The following SPAG16 variants were observed in gnomAD, a reference collection of about 807,000 sequenced individuals.
SPAG16 encodes sperm associated antigen 16, also known as sperm-associated antigen 16 protein.
SPAG16 carries 86 observed loss-of-function variants against 80.4 expected under a neutral mutation model. That is an observed-to-expected ratio of 1.07 (90% CI 0.90 to 1.28). The LOEUF (loss-of-function observed/expected upper bound fraction) is 1.28. SPAG16 is among the 50% of genes most tolerant of loss of function. The pLI is 0.00. For missense variants in SPAG16, 870 were observed against 765.3 expected (o/e 1.14, Z -1.61); for synonymous variants, 294 against 265.9 (o/e 1.11, Z -1.03).
At chr2:213,833,429 GTA>G in intron 10 of SPAG16, among the ~76,000 whole-genome samples, 1 of 28,650 alleles carries the variant, frequency 3.5e-5, no homozygotes, top group African/African-American at 1.1e-4. Context: ...ATGTATCTAT[GTA>G]TGTGTGTGTG....
chr2:213,381,111 C>T (rs2125240577), intron 9 of SPAG16, among the ~76,000 whole-genome samples: 1 of 152,318 alleles, frequency 6.6e-6, no homozygotes, highest in East Asian at 1.9e-4. Context: ...TACCACAACA[C>T]TGTTGATCAG....
chr2:213,621,739 G>T (rs1460360934), intron 10 of SPAG16, among the ~76,000 whole-genome samples: 1 of 152,164 alleles, frequency 6.6e-6, no homozygotes, highest in East Asian at 1.9e-4. Flanking sequence ...CTGTTTAAAA[G>T]AAGTTTTTGA....
At chr2:214,257,498 T>C (rs1186944643) in intron 15 of SPAG16, among the ~76,000 whole-genome samples, 1 of 152,064 alleles carries the variant, frequency 6.6e-6, no homozygotes, top group African/African-American at 2.4e-5. Flanking sequence ...AATATGATGG[T>C]AATTGTAGTT....
At chr2:214,388,309 C>G in intron 15 of SPAG16, among the ~76,000 whole-genome samples, 1 of 152,096 alleles carries the variant, frequency 6.6e-6, no homozygotes, top group East Asian at 1.9e-4. Context: ...TTGCTAGGTC[C>G]TCTCCCTCCT....
chr2:214,012,284 A>ATTTTTTTTTTTTTT (rs1483720818), intron 12 of SPAG16, among the ~76,000 whole-genome samples: 2 of 54,594 alleles, frequency 3.7e-5, no homozygotes, highest in Non-Finnish European at 5.8e-5. Flanking sequence ...ATATATATAT[A>ATTTTTTTTTTTTTT]TATATTTTTT....
Position 213,699,491 on chromosome 2 carries a change from T to A in SPAG16, c.1071-162994T>A, listed in dbSNP as rs116713182. On this transcript the variant is annotated intron_variant, in intron 10 of 15. Transcript: ENST00000331683. ...TTTAAAGAAAATTTCTCAAAACATG[T>A]TAGTGACAGACCACCTGGCAAATAC... 8.5e-3 allele frequency among the ~76,000 whole-genome samples: 1,299 copies of A among 152,214 alleles called. 25 individuals carry two copies. The highest frequency in any genetic ancestry group is 0.03 in the African/African-American group (1,241 of 41,534).
At chr2:214,292,317 T>C (rs1693858952) in intron 15 of SPAG16, among the ~76,000 whole-genome samples, 1 of 152,184 alleles carries the variant, frequency 6.6e-6, no homozygotes, top group African/African-American at 2.4e-5. Context: ...TTTTGATTTA[T>C]TGTTTTTTTA....
intron 15 of SPAG16, among the ~76,000 whole-genome samples, chr2:214,313,947 A>G (rs1283107712): frequency 6.6e-6 from 1 of 152,160 alleles, no homozygotes; most frequent in Non-Finnish European, 1.5e-5. Context: ...TGCTAATTCA[A>G]AATATATGAT....
chr2:213,612,865 G>A (rs1461235015), intron 10 of SPAG16, among the ~76,000 whole-genome samples: 1 of 152,020 alleles, frequency 6.6e-6, no homozygotes, highest in Admixed American at 6.6e-5. Flanking sequence ...TGTATTTTTA[G>A]TAGAGATGTG....
intron 7 of SPAG16, among the ~76,000 whole-genome samples, chr2:213,356,189 G>A (rs1383737301): frequency 6.6e-6 from 1 of 152,172 alleles, no homozygotes; most frequent in African/African-American, 2.4e-5. Flanking sequence ...GTTCATCAGG[G>A]ATATTGGTCT....
At chr2:214,385,265 A>G (rs1574472029) in intron 15 of SPAG16, among the ~76,000 whole-genome samples, 1 of 152,234 alleles carries the variant, frequency 6.6e-6, no homozygotes, top group Non-Finnish European at 1.5e-5. Context: ...GGGGTGAAAG[A>G]TAACAGTCCC....
intron 15 of SPAG16, among the ~76,000 whole-genome samples, chr2:214,218,768 A>T (rs1428496289): frequency 1.3e-5 from 2 of 152,230 alleles, no homozygotes; most frequent in Non-Finnish European, 2.9e-5. Flanking sequence ...TTGTTGAGGC[A>T]TGAGTTTGGA....
intron 15 of SPAG16, among the ~76,000 whole-genome samples, chr2:214,347,791 G>A (rs150021970): frequency 3.3e-4 from 50 of 152,198 alleles, no homozygotes; most frequent in African/African-American, 1.1e-3. Context: ...GGGATAGACA[G>A]TACAAAATGA....
chr2:213,816,298 A>T (rs1448668159), intron 10 of SPAG16, among the ~76,000 whole-genome samples: 2 of 152,136 alleles, frequency 1.3e-5, no homozygotes, highest in Non-Finnish European at 2.9e-5. Context: ...GAATGACTAC[A>T]ATCATTTTCC....
chr2:213,387,081 GT>G (rs1176966317), intron 9 of SPAG16, among the ~76,000 whole-genome samples: 1 of 152,004 alleles, frequency 6.6e-6, no homozygotes, highest in Non-Finnish European at 1.5e-5. Context: ...GATTTGAATA[GT>G]TTTAAAAGGT....
chr2:213,553,971 A>C (rs200364233), intron 10 of SPAG16, among the ~76,000 whole-genome samples: 7 of 152,004 alleles, frequency 4.6e-5, no homozygotes, highest in Non-Finnish European at 1.0e-4. Flanking sequence ...TACCAGTTCT[A>C]TTATCACCCT....
chr2:213,984,922 T>C (rs535639505), intron 12 of SPAG16, among the ~76,000 whole-genome samples: 173 of 152,238 alleles, frequency 1.1e-3, no homozygotes, highest in Non-Finnish European at 1.8e-3. Context: ...AAATCTCTCT[T>C]TATGAATCAT....
At position 213,816,424 on chromosome 2, in the gene SPAG16, C is replaced by T. The variant is rs1032868723; in HGVS notation, c.1071-46061C>T. ...AAAATGCATAGGCATTTCTGATGGG[C>T]GTGCTTCTAAGAATGTAATAGCTAG... On this transcript the variant is annotated intron_variant, in intron 10 of 15. Coordinates refer to ENST00000331683, the MANE Select transcript of SPAG16 (RefSeq NM_024532.5). Among the ~76,000 whole-genome samples the T allele has an allele frequency of 5.9e-5, 9 of 152,120 alleles. No homozygotes were observed. In the South Asian group the frequency reaches 1.5e-3, roughly 25 times the overall value.
intron 10 of SPAG16, among the ~76,000 whole-genome samples, chr2:213,775,440 C>T (rs1054688937): frequency 2.6e-5 from 4 of 152,262 alleles, no homozygotes; most frequent in African/African-American, 9.6e-5. Context: ...TTTCCTCTCA[C>T]TCTCCTAATT....
Sources: allele counts gnomAD v4.1 joint callset (sites outside exome capture counted in the v4.1 genomes callset), GRCh38; gene constraint gnomAD v4.1.1; transcripts MANE v1.5; gene names NCBI Gene and HGNC (gene_info 2026-07-23, HGNC 2026-07-21).